The following CYB5R2 variants were observed in gnomAD, a reference collection of about 807,000 sequenced individuals.
The protein encoded by CYB5R2 is NADH-cytochrome b5 reductase 2.
In CYB5R2, 35 loss-of-function variants were observed where a neutral mutation model predicts 29.8. That is an observed-to-expected ratio of 1.17 (90% CI 0.90 to 1.56). The LOEUF is 1.56. Ranked by LOEUF, CYB5R2 falls within the 40% of genes most tolerant of loss-of-function variation. The pLI, the probability that CYB5R2 is intolerant of heterozygous loss-of-function variation, is 0.00. For missense variants in CYB5R2, 419 were observed against 346.7 expected (o/e 1.21, Z -1.66); for synonymous variants, 169 against 130.6 (o/e 1.29, Z -2.01).
intron 5 of CYB5R2, 97 bp from the exon 6 acceptor site, chr11:7,668,658 C>T (rs1855518928): frequency 2.0e-6 from 2 of 984,664 alleles, no homozygotes; most frequent in South Asian, 1.3e-5. Context: ...GAGGCACGTC[C>T]AGCTAAGGGA....
In CYB5R2 at chr11:7,668,575, G is replaced by A; in HGVS notation, c.389-14C>T. The stretch of plus-strand genomic sequence containing the variant: ...TTCCAAGATTCCCTGGAAACACAGA[G>A]AATGCTTATGACCTCTGCAGTTCTT... On this transcript the variant is annotated splice_polypyrimidine_tract_variant and intron_variant, in intron 5 of 8. Coordinates refer to ENST00000299498, the MANE Select transcript of CYB5R2 (RefSeq NM_016229.5). The A allele has an allele frequency of 6.2e-7, 1 of 1,602,446 alleles. No homozygotes were observed. The highest frequency in any genetic ancestry group is 8.6e-7 in the Non-Finnish European group (1 of 1,169,400).
chr11:7,669,151 C>A, intron 5 of CYB5R2, 54 bp downstream of exon 5: 8 of 1,609,740 alleles, frequency 5.0e-6, no homozygotes, highest in Non-Finnish European at 6.8e-6. Flanking sequence ...ACAATGGAAC[C>A]ATTGCAGGAA....
chr11:7,672,363 A>C (rs1222303006), intron 3 of CYB5R2, 88 bp downstream of exon 3: 2 of 1,165,392 alleles, frequency 1.7e-6, no homozygotes, highest in African/African-American at 3.1e-5. Flanking sequence ...TCCACACCTC[A>C]GGACGTGGGA....
chr11:7,666,869 C>A (rs1159367414), intron 7 of CYB5R2: 2 of 262,340 alleles, frequency 7.6e-6, no homozygotes, highest in Non-Finnish European at 1.5e-5. Context: ...CCAGCCCTGC[C>A]TCCTACATCT....
chr11:7,672,942 A>G (rs540394386), intron 1 of CYB5R2, 51 bp from the exon 2 acceptor site: 1 of 1,553,890 alleles, frequency 6.4e-7, no homozygotes, highest in South Asian at 1.2e-5. Context: ...CGCCCTGGAC[A>G]GGGCAGCTCT....
chr11:7,667,923 C>G, intron 6 of CYB5R2, 110 bp from the exon 7 acceptor site: 2 of 874,764 alleles, frequency 2.3e-6, no homozygotes, highest in Non-Finnish European at 3.8e-6. Context: ...CCTTTTCTCA[C>G]TTCTGTCCCC....
rs994621104 is a variant in CYB5R2, at chr11:7,665,331, C to G, written c.*43G>C. The G allele has an allele frequency of 1.4e-6, 2 of 1,437,976 alleles. No homozygotes were observed. Among genetic ancestry groups the G allele is most frequent in the African/African-American group, 2.9e-5 (2 of 69,800 alleles). The allele number at this position is 1,437,976 out of a possible 1,614,324, so 89.1% of individuals were successfully genotyped here. A position where few individuals can be genotyped will look rare whatever the true frequency, so the allele number is the denominator to read the frequency against. ...TGGTGAAATTGAACTTACTCTGAAACAGATGAAAAGGGACATGCAAAATTG... is the reference window on the plus strand; with the variant it reads ...TGGTGAAATTGAACTTACTCTGAAAGAGATGAAAAGGGACATGCAAAATTG... On this transcript the variant is annotated 3_prime_UTR_variant, in exon 9 of 9. Transcript: ENST00000299498.
intron 3 of CYB5R2, chr11:7,669,942 A>G (rs1484911325): frequency 2.2e-5 from 12 of 544,788 alleles, no homozygotes; most frequent in Non-Finnish European, 3.9e-5. Flanking sequence ...AAGTCACTTC[A>G]CCTCTCTGGG....
At chr11:7,669,365 T>C (rs1304117954) in intron 4 of CYB5R2, 31 bp from the exon 5 acceptor site, 1 of 1,588,392 alleles carries the variant, frequency 6.3e-7, no homozygotes, top group Non-Finnish European at 8.6e-7. Flanking sequence ...GCTTTCACAT[T>C]CCCAGACACA....
intron 8 of CYB5R2, chr11:7,665,857 A>C: frequency 6.5e-7 from 1 of 1,536,028 alleles, no homozygotes; most frequent in Non-Finnish European, 8.7e-7. Context: ...AGCCAGCTGG[A>C]GTTGTCCGGC....
chr11:7,671,484 C>G (rs1036932437), intron 3 of CYB5R2: 2 of 152,286 alleles, frequency 1.3e-5, no homozygotes, highest in African/African-American at 2.4e-5. Context: ...CAAAGTTTTT[C>G]ATTCTTTTAG....
chr11:7,673,898 C>T (rs1855926290), upstream of CYB5R2: 1 of 998,992 alleles, frequency 1.0e-6, no homozygotes, highest in South Asian at 4.3e-5. Context: ...GGCTGGGACC[C>T]CGGCGGCTGG....
chr11:7,667,901 A>T lies in CYB5R2; in HGVS notation c.473-88T>A, dbSNP rs572564108. The T allele has an allele frequency of 5.7e-5, 60 of 1,047,128 alleles. No individual in the cohort carries two copies. In the Middle Eastern group the frequency reaches 1.0e-3, roughly 18 times the overall value. 64.9% of individuals were successfully genotyped at this position (1,047,128 alleles called of 1,614,324 possible). A position where few individuals can be genotyped will look rare whatever the true frequency, so the allele number is the denominator to read the frequency against. On this transcript the variant is annotated intron_variant, in intron 6 of 8. Coordinates refer to ENST00000299498, the MANE Select transcript of CYB5R2 (RefSeq NM_016229.5). ...TGCAGCAAGCTTCATACCTTCCCCC[A>T]GCCCAAGTTATCCTTTTCTCACTTC...
intron 3 of CYB5R2, 120 bp from the exon 4 acceptor site, chr11:7,669,851 GGAA>G: frequency 2.6e-6 from 2 of 762,120 alleles, no homozygotes; most frequent in East Asian, 5.4e-5. Context: ...AAGAGGGGTG[GGAA>G]GAAGAGAGCA....
Position 7,666,479 on chromosome 11 carries a change from C to T in CYB5R2, c.630G>A (p.Leu210=), listed in dbSNP as rs748591935. The T allele has an allele frequency of 9.9e-6, 16 of 1,613,218 alleles. No homozygotes were observed. The highest frequency in any genetic ancestry group is 2.2e-5 in the South Asian group (2 of 91,046). ...TGGGAGGCCTGTCCAGGGTGTACCA[C>T]AGGTTGAACTGGTCTGGGTGAGTCC... ...IARTHPDQFN[L]WYTLDRPPIG... Residue 210 remains leucine, a synonymous_variant, in exon 8 of 9, where the codon CTG becomes CTA. Coordinates refer to ENST00000299498, the MANE Select transcript of CYB5R2 (RefSeq NM_016229.5).
At chr11:7,672,241 ACT>A in intron 3 of CYB5R2, 1 of 560,252 alleles carries the variant, frequency 1.8e-6, no homozygotes, top group South Asian at 2.4e-5. Context: ...CTGAGGTACC[ACT>A]CTCGTGTCAG....
intron 7 of CYB5R2, 139 bp from the exon 8 acceptor site, chr11:7,666,689 CAA>C (rs1232644707): frequency 5.2e-6 from 3 of 579,818 alleles, no homozygotes; most frequent in East Asian, 5.9e-5. Context: ...CCACGGCAAA[CAA>C]GAGTTCTGCT....
chr11:7,672,442 C>T lies in CYB5R2; in HGVS notation c.151+9G>A. 1 of 1,613,812 alleles carries T rather than the reference C, an allele frequency of 6.2e-7. No homozygotes were observed. Among genetic ancestry groups the T allele is most frequent in the South Asian group, 1.1e-5 (1 of 91,066 alleles). ...CCCCAGTCCTGGTGATGACCCAAGC[C>T]CGGCTCACCTACAGGAAGCCCTAAG... On this transcript the variant is annotated intron_variant, in intron 3 of 8. Coordinates refer to ENST00000299498, the MANE Select transcript of CYB5R2 (RefSeq NM_016229.5).
intron 6 of CYB5R2, 30 bp downstream of exon 6, chr11:7,668,448 C>T (rs746810344): frequency 6.4e-7 from 1 of 1,564,170 alleles, no homozygotes; most frequent in Admixed American, 1.7e-5. Context: ...GGGGCTCACT[C>T]TCTGGATGGA....
Sources: allele counts gnomAD v4.1 joint callset, GRCh38; gene constraint gnomAD v4.1.1; transcripts MANE v1.5; gene names NCBI Gene and HGNC (gene_info 2026-07-23, HGNC 2026-07-21).